RAB23: variants seen among roughly 807,000 people sequenced by gnomAD.
The protein encoded by RAB23 is ras-related protein Rab-23.
RAB23 carries 15 observed loss-of-function variants against 30.0 expected under a neutral mutation model. That is an observed-to-expected ratio of 0.50 (90% CI 0.33 to 0.77). The LOEUF (loss-of-function observed/expected upper bound fraction) is 0.77. Among genes scored for constraint, RAB23 ranks in the 30% least tolerant of loss-of-function variants. The pLI, the probability that RAB23 is intolerant of heterozygous loss-of-function variation, is 0.02. For missense variants in RAB23, 243 were observed against 275.4 expected, an observed-to-expected ratio of 0.88 and a Z score of 0.83; for synonymous variants, 93 against 94.0, an observed-to-expected ratio of 0.99 and a Z score of 0.06.
intron 1 of RAB23, among the ~76,000 whole-genome samples, chr6:57,213,968 G>A (rs903852738): frequency 3.7e-5 from 5 of 133,376 alleles, no homozygotes; most frequent in Non-Finnish European, 6.5e-5. Flanking sequence ...GACCAACTGG[G>A]GAGGACTGGG....
intron 3 of RAB23, among the ~76,000 whole-genome samples, chr6:57,205,242 A>ATG (rs549233701): frequency 1.5e-4 from 23 of 151,590 alleles, no homozygotes; most frequent in Non-Finnish European, 2.7e-4. Context: ...GTGTGTATGT[A>ATG]TGTGTGTGTG....
At chr6:57,206,246 G>T (rs1765452116) in intron 3 of RAB23, among the ~76,000 whole-genome samples, 1 of 152,100 alleles carries the variant, frequency 6.6e-6, no homozygotes, top group African/African-American at 2.4e-5. Context: ...AAGAAGGAAA[G>T]AAGTAAAGCC....
At position 57,191,119 on chromosome 6, in the gene RAB23, C is replaced by A. The variant is rs144567340; in HGVS notation, c.575-519G>T. Among the ~76,000 whole-genome samples the A allele has an allele frequency of 7.0e-4, 106 of 152,298 alleles. 1 individual carries two copies. In the Middle Eastern group the frequency reaches 0.024, roughly 34 times the overall value. On this transcript the variant is annotated intron_variant, in intron 6 of 6. Transcript: ENST00000468148. Reference sequence around the variant, plus strand: ...ACATTTTGCTTATCCTTTCATACATCAATGGACACAGATTTATGATTTTAA... The same window carrying A: ...ACATTTTGCTTATCCTTTCATACATAAATGGACACAGATTTATGATTTTAA...
At chr6:57,196,388 A>T in intron 4 of RAB23, 62 bp downstream of exon 4, 1 of 1,596,952 alleles carries the variant, frequency 6.3e-7, no homozygotes, top group Non-Finnish European at 8.6e-7. Context: ...ACTATGCAAA[A>T]ATTAAGATGT....
At position 57,188,581 on chromosome 6, in the gene RAB23, A is replaced by C. The variant is rs865894299; in HGVS notation, c.*1880T>G. ...ATTTTGTGCAAAAATTAAAGAGGAG[A>C]GTAGAGAGTAGAAAATTGAAGAGAG... is the stretch of plus-strand genomic sequence containing the variant. On this transcript the variant is annotated 3_prime_UTR_variant, in exon 7 of 7. Coordinates refer to ENST00000468148, the MANE Select transcript of RAB23 (RefSeq NM_016277.5). 6.6e-6 allele frequency: 1 copy of C among 152,292 alleles called. No individual in the cohort carries two copies. The highest frequency in any genetic ancestry group is 3.4e-3 in the Middle Eastern group (1 of 294). The allele number at this position is 152,292 out of a possible 1,614,324, so 9.4% of individuals were successfully genotyped here. A position where few individuals can be genotyped will look rare whatever the true frequency, so the allele number is the denominator to read the frequency against.
At chr6:57,213,902 C>T (rs947723508) in intron 1 of RAB23, among the ~76,000 whole-genome samples, 5 of 152,070 alleles carry the variant, frequency 3.3e-5, no homozygotes, top group African/African-American at 9.7e-5. Context: ...CACCTATACC[C>T]TTGTGAGGGC....
intron 3 of RAB23, 127 bp downstream of exon 3, chr6:57,207,501 A>C (rs1206414875): frequency 1.5e-6 from 1 of 673,876 alleles, no homozygotes; most frequent in Non-Finnish European, 2.6e-6. Context: ...GTTTTAAAAA[A>C]TACTTTGAAA....
At chr6:57,210,920 G>C (rs539192275) in intron 1 of RAB23, among the ~76,000 whole-genome samples, 1 of 152,304 alleles carries the variant, frequency 6.6e-6, no homozygotes, top group Non-Finnish European at 1.5e-5. Context: ...AAAATCTGAA[G>C]TCTGAAATGT....
intron 3 of RAB23, among the ~76,000 whole-genome samples, chr6:57,200,493 T>C (rs1230516153): frequency 1.5e-5 from 2 of 133,794 alleles, no homozygotes; most frequent in South Asian, 2.4e-4. Flanking sequence ...GCTGAGACCA[T>C]GCCATCGCAC....
At chr6:57,191,339 T>C (rs894897117) in intron 6 of RAB23, among the ~76,000 whole-genome samples, 4 of 152,256 alleles carry the variant, frequency 2.6e-5, no homozygotes, top group African/African-American at 9.6e-5. Context: ...TAAGCTAAAA[T>C]GCATATATAT....
At chr6:57,195,528 G>T (rs1394053681) in intron 4 of RAB23, among the ~76,000 whole-genome samples, 1 of 152,156 alleles carries the variant, frequency 6.6e-6, no homozygotes, top group East Asian at 1.9e-4. Context: ...TGGTCTGGGT[G>T]TCCACTAATA....
At chr6:57,198,586 T>TA (rs1765119155) in intron 3 of RAB23, among the ~76,000 whole-genome samples, 1 of 151,562 alleles carries the variant, frequency 6.6e-6, no homozygotes, top group South Asian at 2.1e-4. Flanking sequence ...GTGACTGAGG[T>TA]GGGAGGATTG....
chr6:57,221,729 T>C lies in RAB23; in HGVS notation c.-69A>G, dbSNP rs1279943951. 2 of 152,216 alleles carry C rather than the reference T, an allele frequency of 1.3e-5. No homozygotes were observed. Among genetic ancestry groups the C allele is most frequent in the African/African-American group, 4.8e-5 (2 of 41,452 alleles). 9.4% of individuals were successfully genotyped at this position (152,216 alleles called of 1,614,324 possible). A position where few individuals can be genotyped will look rare whatever the true frequency, so the allele number is the denominator to read the frequency against. ...CCAGGCAATTCCAGGTACCCACCGC[T>C]GGGAGCTGGGAGGGGGCGCCGGGCT... On this transcript the variant is annotated 5_prime_UTR_variant, in exon 1 of 7. Coordinates refer to ENST00000468148, the MANE Select transcript of RAB23 (RefSeq NM_016277.5).
At chr6:57,208,606 G>A (rs1168515094) in intron 2 of RAB23, among the ~76,000 whole-genome samples, 2 of 114,068 alleles carry the variant, frequency 1.8e-5, no homozygotes, top group African/African-American at 6.9e-5. Flanking sequence ...CAGCCTGGGA[G>A]ACAGAGTGAG....
At chr6:57,201,086 C>CT (rs1172680869) in intron 3 of RAB23, among the ~76,000 whole-genome samples, 21 of 147,908 alleles carry the variant, frequency 1.4e-4, no homozygotes, top group African/African-American at 4.0e-4. Context: ...TTCTCTCTCT[C>CT]TTTTTTTTTT....
Position 57,188,744 on chromosome 6 carries a change from G to A in RAB23, c.*1717C>T, listed in dbSNP as rs1593202057. The A allele has an allele frequency of 6.6e-6, 1 of 152,166 alleles. No homozygotes were observed. Among genetic ancestry groups the A allele is most frequent in the East Asian group, 1.9e-4 (1 of 5,196 alleles). 9.4% of individuals were successfully genotyped at this position (152,166 alleles called of 1,614,324 possible). A position where few individuals can be genotyped will look rare whatever the true frequency, so the allele number is the denominator to read the frequency against. Reference sequence around the variant, plus strand: ...AAGCATTTTACATTACTGTGAAATAGATAATGCCAGATCATTTCAATATAA... The same window carrying A: ...AAGCATTTTACATTACTGTGAAATAAATAATGCCAGATCATTTCAATATAA... On this transcript the variant is annotated 3_prime_UTR_variant, in exon 7 of 7. Transcript: ENST00000468148.
intron 3 of RAB23, among the ~76,000 whole-genome samples, chr6:57,200,581 G>GTA (rs1312353956): frequency 2.0e-5 from 3 of 147,388 alleles, no homozygotes; most frequent in Non-Finnish European, 4.5e-5. Context: ...AGGAAGTACT[G>GTA]TACTCCAAAC....
At chr6:57,192,836 A>G (rs1764891332) in intron 6 of RAB23, among the ~76,000 whole-genome samples, 1 of 152,204 alleles carries the variant, frequency 6.6e-6, no homozygotes, top group Non-Finnish European at 1.5e-5. Context: ...AGAAGATGGG[A>G]AAGAGGTCAT....
chr6:57,206,357 C>T (rs185239833), intron 3 of RAB23, among the ~76,000 whole-genome samples: 39 of 152,098 alleles, frequency 2.6e-4, no homozygotes, highest in African/African-American at 8.4e-4. Flanking sequence ...AAGCCACAAG[C>T]CACCAGTAGT....
Sources: gnomAD v4.1 joint callset for allele counts (sites outside exome capture counted in the v4.1 genomes callset) on GRCh38, gnomAD v4.1.1 for gene constraint, MANE v1.5 for transcripts, NCBI Gene and HGNC (gene_info 2026-07-23, HGNC 2026-07-21) for gene names.